The following COL24A1 variants were observed in gnomAD, a reference collection of about 807,000 sequenced individuals.
The protein encoded by COL24A1 is collagen type XXIV alpha 1 chain.
A neutral mutation model predicts 253.9 loss-of-function variants in COL24A1; 224 were observed. The ratio of observed to expected loss-of-function variants is 0.88; its 90% CI spans 0.79 to 0.99. The LOEUF is 0.99. COL24A1 is among the 50% of genes least tolerant of loss of function. The pLI is 0.00. For missense variants in COL24A1, 2,131 were observed against 2,068.5 expected (o/e 1.03, Z -0.59); for synonymous variants, 685 against 673.7 (o/e 1.02, Z -0.26).
At chr1:86,110,660 C>T (rs79325096) in intron 5 of COL24A1, among the ~76,000 whole-genome samples, 22,298 of 152,018 alleles carry the variant, frequency 0.15, 1,779 homozygotes, top group South Asian at 0.24. Context: ...CCAGCGGCCC[C>T]GGGCAGTGAG....
At chr1:85,860,373 C>T (rs1027520256) in intron 37 of COL24A1, among the ~76,000 whole-genome samples, 1 of 152,148 alleles carries the variant, frequency 6.6e-6, no homozygotes, top group African/African-American at 2.4e-5. Context: ...TCTTTCCAAC[C>T]CCTCTAGCCC....
At chr1:86,118,787 A>C (rs1706411340) in intron 3 of COL24A1, among the ~76,000 whole-genome samples, 1 of 152,172 alleles carries the variant, frequency 6.6e-6, no homozygotes, top group East Asian at 1.9e-4. Flanking sequence ...TGGGAGCTAG[A>C]AAAAAGAAGA....
chr1:85,934,989 G>A (rs1688134085), intron 24 of COL24A1, among the ~76,000 whole-genome samples: 4 of 151,552 alleles, frequency 2.6e-5, no homozygotes, highest in African/African-American at 7.3e-5. Flanking sequence ...AGAATATGCT[G>A]TGTTTCAAGA....
In COL24A1 at chr1:86,031,891, AACCCCGG is replaced by A. The variant is rs1698601228; in HGVS notation, c.2029_2035del (p.Pro677PhefsTer47). On this transcript the variant is annotated frameshift_variant, in exon 14 of 60. Coordinates refer to ENST00000370571, the MANE Select transcript of COL24A1 (RefSeq NM_152890.7). LOFTEE classifies it high-confidence loss of function. The stretch of plus-strand genomic sequence containing the variant: ...AGTGATACTCACTCTAAGCCCAGGA[AACCCCGG>A]AGGACCAGTGCCACCTACAAGTCCC... The A allele has an allele frequency of 3.1e-6, 5 of 1,608,966 alleles. No homozygotes were observed. In the African/African-American group the frequency reaches 6.7e-5, roughly 22 times the overall value.
At chr1:85,955,849 T>C (rs1690407041) in intron 24 of COL24A1, among the ~76,000 whole-genome samples, 1 of 152,260 alleles carries the variant, frequency 6.6e-6, no homozygotes, top group African/African-American at 2.4e-5. Context: ...AAGTCTTTCC[T>C]ATTTCTATCA....
chr1:85,862,880 G>A (rs970659087), intron 37 of COL24A1, among the ~76,000 whole-genome samples: 3 of 152,176 alleles, frequency 2.0e-5, no homozygotes, highest in South Asian at 2.1e-4. Flanking sequence ...GATGGGGATG[G>A]CATTGAATCT....
intron 8 of COL24A1, among the ~76,000 whole-genome samples, chr1:86,060,688 T>C (rs1557442297): frequency 1.3e-5 from 2 of 152,034 alleles, no homozygotes; most frequent in Non-Finnish European, 2.9e-5. Flanking sequence ...TTTACATCTA[T>C]GAGATACACT....
intron 32 of COL24A1, among the ~76,000 whole-genome samples, chr1:85,877,910 G>T (rs1335456610): frequency 6.6e-6 from 1 of 152,032 alleles, no homozygotes; most frequent in African/African-American, 2.4e-5. Context: ...GTAAATATAT[G>T]ATCTTTTTTT....
At position 86,142,533 on chromosome 1, in the gene COL24A1, AC is replaced by A. The variant is rs1411834055; in HGVS notation, c.121+3585del. ...GTGAGACACTGCCTCAAAAAAAAAAACAAAAAACAAAAAACAAAAAAAACAA... is the reference window on the plus strand; with the variant it reads ...GTGAGACACTGCCTCAAAAAAAAAAAAAAAAACAAAAAACAAAAAAAACAA... On this transcript the variant is annotated intron_variant, in intron 2 of 59. Transcript: ENST00000370571. Among the ~76,000 whole-genome samples, 8 of 149,244 alleles carry A rather than the reference AC, an allele frequency of 5.4e-5. 1 individual carries two copies. Among genetic ancestry groups the A allele is most frequent in the African/African-American group, 1.9e-4 (8 of 41,156 alleles).
At chr1:86,050,237 T>C (rs1165071292) in intron 10 of COL24A1, 60 bp from the exon 11 acceptor site, 1 of 1,456,034 alleles carries the variant, frequency 6.9e-7, no homozygotes, top group East Asian at 2.3e-5. Flanking sequence ...CATAAGTGAT[T>C]CTGAATAGAA....
intron 7 of COL24A1, among the ~76,000 whole-genome samples, chr1:86,069,535 T>A (rs1701718492): frequency 6.6e-6 from 1 of 152,022 alleles, no homozygotes; most frequent in Non-Finnish European, 1.5e-5. Context: ...GGAAAACTCA[T>A]CACTATGAAG....
In COL24A1 at chr1:85,776,146, C is replaced by T. The variant is rs575037715; in HGVS notation, c.4339-437G>A. On this transcript the variant is annotated intron_variant, in intron 52 of 59. Coordinates refer to ENST00000370571, the MANE Select transcript of COL24A1 (RefSeq NM_152890.7). The stretch of plus-strand genomic sequence containing the variant: ...AATTTTAATATGTTGTATATGTTTC[C>T]GTGCAGTTCAAAATATTTTCTAATT... 2.0e-5 allele frequency among the ~76,000 whole-genome samples: 3 copies of T among 152,112 alleles called. No homozygotes were observed. In the South Asian group the frequency reaches 6.2e-4, roughly 32 times the overall value.
intron 35 of COL24A1, among the ~76,000 whole-genome samples, chr1:85,872,600 T>C (rs1317399810): frequency 6.6e-6 from 1 of 152,156 alleles, no homozygotes; most frequent in Non-Finnish European, 1.5e-5. Context: ...GGATTCCCTA[T>C]TTAGTAAATG....
chr1:86,145,142 C>A (rs1651698994), intron 2 of COL24A1, among the ~76,000 whole-genome samples: 1 of 152,040 alleles, frequency 6.6e-6, no homozygotes, highest in Non-Finnish European at 1.5e-5. Context: ...AACCAGAGTA[C>A]CACTCTTCCT....
At chr1:85,819,515 G>T (rs1294056592) in intron 45 of COL24A1, among the ~76,000 whole-genome samples, 2 of 151,824 alleles carry the variant, frequency 1.3e-5, no homozygotes, top group Non-Finnish European at 2.9e-5. Flanking sequence ...ACTCATGGTG[G>T]GGGTAACAGT....
At chr1:86,020,061 C>CTTTTTTT (rs10582249) in intron 18 of COL24A1, among the ~76,000 whole-genome samples, 188 of 102,586 alleles carry the variant, frequency 1.8e-3, no homozygotes, top group East Asian at 2.7e-3. Context: ...TTCATTCTTT[C>CTTTTTTT]TTTTTTTTTT....
chr1:85,952,546 CA>C (rs769844004), intron 24 of COL24A1, among the ~76,000 whole-genome samples: 2 of 152,194 alleles, frequency 1.3e-5, no homozygotes, highest in Non-Finnish European at 2.9e-5. Context: ...ACAAATTAGG[CA>C]GAATCACATA....
Position 85,891,567 on chromosome 1 carries a change from G to A in COL24A1, c.2923-1954C>T, listed in dbSNP as rs1318318971. Among the ~76,000 whole-genome samples, 3 of 152,234 alleles carry A rather than the reference G, an allele frequency of 2.0e-5. 1 individual carries two copies. Among genetic ancestry groups the A allele is most frequent in the African/African-American group, 4.8e-5 (2 of 41,554 alleles). ...TTCAGTTTTTCTGGCTAGGGAAAGG[G>A]AAATATGTAAAATTATGGACTCCCA... On this transcript the variant is annotated intron_variant, in intron 31 of 59. Transcript: ENST00000370571.
intron 19 of COL24A1, among the ~76,000 whole-genome samples, chr1:86,005,473 T>A (rs1278528988): frequency 2.6e-5 from 4 of 151,970 alleles, no homozygotes; most frequent in Non-Finnish European, 1.5e-5. Context: ...AATTGCCTAT[T>A]TAAATAATTA....
Sources: gnomAD v4.1 joint callset for allele counts (sites outside exome capture counted in the v4.1 genomes callset) on GRCh38, gnomAD v4.1.1 for gene constraint, MANE v1.5 for transcripts, NCBI Gene and HGNC (gene_info 2026-07-23, HGNC 2026-07-21) for gene names.